Variants in PALS2 observed in about 807,000 individuals in gnomAD.
PALS2 encodes protein associated with LIN7 2, MAGUK p55 family member, also known as protein PALS2.
PALS2 carries 27 observed loss-of-function variants against 61.6 expected under a neutral mutation model. That is an observed-to-expected ratio of 0.44 (90% CI 0.32 to 0.60). The LOEUF is 0.60. PALS2 is among the 20% of genes least tolerant of loss of function. PALS2 has a pLI of 0.05. For synonymous variants in PALS2, 236 were observed against 218.6 expected, an observed-to-expected ratio of 1.08 and a Z score of -0.70; for missense variants, 554 against 639.4, an observed-to-expected ratio of 0.87 and a Z score of 1.44.
intron 1 of PALS2, among the ~76,000 whole-genome samples, chr7:24,623,117 T>A (rs1384694575): frequency 6.6e-6 from 1 of 151,936 alleles, no homozygotes; most frequent in East Asian, 1.9e-4. Context: ...TTGGTGGTAA[T>A]TTTTTTGTGT....
In PALS2 at chr7:24,663,916, A is replaced by G. The variant is rs11982399; in HGVS notation, c.783+195A>G. ...AGGGAATTTGCAACTTAATAAGTGC[A>G]GAATTAACCAGCCTGTGGCACTAAC... On this transcript the variant is annotated intron_variant, in intron 6 of 11. Transcript: ENST00000222644. Among the ~76,000 whole-genome samples, 11,832 of 152,250 alleles carry G rather than the reference A, an allele frequency of 0.078. 1,170 individuals are homozygous for G. Among genetic ancestry groups the G allele is most frequent in the African/African-American group, 0.22 (9,073 of 41,496 alleles).
intron 1 of PALS2, among the ~76,000 whole-genome samples, chr7:24,615,773 A>G (rs900944625): frequency 5.9e-5 from 9 of 152,026 alleles, no homozygotes; most frequent in Admixed American, 2.0e-4. Flanking sequence ...AAAACTACAG[A>G]CCAATATCCC....
At chr7:24,581,492 A>T (rs555834812) in intron 1 of PALS2, among the ~76,000 whole-genome samples, 1 of 152,194 alleles carries the variant, frequency 6.6e-6, no homozygotes, top group African/African-American at 2.4e-5. Flanking sequence ...ATGGTAATTT[A>T]AATAGTTCAG....
intron 2 of PALS2, among the ~76,000 whole-genome samples, chr7:24,628,395 A>G (rs1583900434): frequency 1.3e-5 from 2 of 152,248 alleles, no homozygotes; most frequent in Admixed American, 1.3e-4. Context: ...TGACAAACCA[A>G]CAGCCAATAT....
chr7:24,676,337 C>CTGA, intron 9 of PALS2, among the ~76,000 whole-genome samples: 1 of 151,226 alleles, frequency 6.6e-6, no homozygotes, highest in South Asian at 2.1e-4. Context: ...CCTGTTCACT[C>CTGA]TGATGGTAGT....
rs1788539274 is a variant in PALS2, at chr7:24,692,867, C to T, written c.*5253C>T. ...CTGCAGCCCTACTGTTTTACCCATA[C>T]CATTAATTTAAAAAGGCATCTATTT... On this transcript the variant is annotated 3_prime_UTR_variant, in exon 12 of 12. Coordinates refer to ENST00000222644, the MANE Select transcript of PALS2 (RefSeq NM_001303037.2). 6.6e-6 allele frequency: 1 copy of T among 152,090 alleles called. No individual in the cohort carries two copies. Among genetic ancestry groups the T allele is most frequent in the Non-Finnish European group, 1.5e-5 (1 of 68,000 alleles). 9.4% of individuals were successfully genotyped at this position (152,090 alleles called of 1,614,324 possible).
At chr7:24,684,215 T>TC (rs1035156467) in intron 11 of PALS2, among the ~76,000 whole-genome samples, 5 of 152,130 alleles carry the variant, frequency 3.3e-5, no homozygotes, top group African/African-American at 1.2e-4. Context: ...TTCTCCTGCC[T>TC]CAGCCTCCCA....
At chr7:24,580,281 C>G (rs529074582) in intron 1 of PALS2, among the ~76,000 whole-genome samples, 1 of 152,120 alleles carries the variant, frequency 6.6e-6, no homozygotes, top group Non-Finnish European at 1.5e-5. Flanking sequence ...AGCTATCCTA[C>G]GCTAAAGGAT....
At chr7:24,649,497 A>ATG in intron 3 of PALS2, 115 bp from the exon 4 acceptor site, 1 of 806,924 alleles carries the variant, frequency 1.2e-6, no homozygotes, top group Non-Finnish European at 1.8e-6. Context: ...ATTTAATACC[A>ATG]TGTGCCTTGG....
chr7:24,685,647 GT>G (rs34096637), intron 11 of PALS2, among the ~76,000 whole-genome samples: 44,259 of 132,728 alleles, frequency 0.33, 7,197 homozygotes, highest in East Asian at 0.53. Flanking sequence ...TGTTAACAGG[GT>G]TTTTTTTTTT....
At chr7:24,584,505 G>C (rs1180941109) in intron 1 of PALS2, among the ~76,000 whole-genome samples, 1 of 146,536 alleles carries the variant, frequency 6.8e-6, no homozygotes, top group Non-Finnish European at 1.5e-5. Flanking sequence ...TTTTTGATGG[G>C]GTTGTTTGTT....
At chr7:24,624,600 T>G (rs918984100) in intron 2 of PALS2, among the ~76,000 whole-genome samples, 10 of 116,284 alleles carry the variant, frequency 8.6e-5, no homozygotes, top group Non-Finnish European at 1.5e-4. Flanking sequence ...ATGATGCAGA[T>G]TCTTCTTTTT....
At chr7:24,653,144 A>T (rs114264129) in intron 5 of PALS2, among the ~76,000 whole-genome samples, 2,314 of 152,298 alleles carry the variant, frequency 0.015, 71 homozygotes, top group African/African-American at 0.053. Context: ...TACATTAAAA[A>T]TTCTCAACAA....
chr7:24,658,531 A>G (rs1263840771), intron 5 of PALS2, among the ~76,000 whole-genome samples: 3 of 148,970 alleles, frequency 2.0e-5, no homozygotes, highest in Non-Finnish European at 4.5e-5. Context: ...ATATTTTTGT[A>G]TTAGAAATAT....
At chr7:24,686,140 T>C (rs1788192169) in intron 11 of PALS2, among the ~76,000 whole-genome samples, 1 of 152,160 alleles carries the variant, frequency 6.6e-6, no homozygotes, top group South Asian at 2.1e-4. Flanking sequence ...TCTTGACTCA[T>C]TCATTTTCCT....
chr7:24,685,918 A>C (rs1293184346), intron 11 of PALS2, among the ~76,000 whole-genome samples: 2 of 152,138 alleles, frequency 1.3e-5, no homozygotes, highest in East Asian at 3.9e-4. Flanking sequence ...TATGCTAATG[A>C]TTTATATACA....
At chr7:24,651,179 T>A (rs1786133838) in intron 5 of PALS2, among the ~76,000 whole-genome samples, 1 of 152,188 alleles carries the variant, frequency 6.6e-6, no homozygotes, top group Non-Finnish European at 1.5e-5. Flanking sequence ...ACACATTTGA[T>A]CTGTATTTTA....
chr7:24,586,190 A>G (rs1473188914), intron 1 of PALS2, among the ~76,000 whole-genome samples: 3 of 152,146 alleles, frequency 2.0e-5, no homozygotes, highest in African/African-American at 2.4e-5. Context: ...AGGGGAAAAC[A>G]AAGTTTAGCC....
intron 2 of PALS2, among the ~76,000 whole-genome samples, chr7:24,639,679 T>C (rs1317207258): frequency 2.0e-5 from 3 of 151,978 alleles, no homozygotes; most frequent in Non-Finnish European, 4.4e-5. Flanking sequence ...TTTTCTTTTT[T>C]TTTTTTCCAA....
Sources: gnomAD v4.1 joint callset for allele counts (sites outside exome capture counted in the v4.1 genomes callset) on GRCh38, gnomAD v4.1.1 for gene constraint, MANE v1.5 for transcripts, NCBI Gene and HGNC (gene_info 2026-07-23, HGNC 2026-07-21) for gene names.